NUP205: variants seen among roughly 807,000 people sequenced by gnomAD.
The protein encoded by NUP205 is nuclear pore complex protein Nup205.
Under a neutral mutation model 253.8 loss-of-function variants are expected in NUP205, and 76 were observed. The ratio of observed to expected loss-of-function variants is 0.30; its 90% CI spans 0.25 to 0.36. The LOEUF is 0.36. NUP205 is among the 10% of genes least tolerant of loss of function. The probability of loss-of-function intolerance (pLI) is 1.00; values close to 1 mark genes in which losing one functional copy is unlikely to be tolerated. For missense variants in NUP205, 2,162 were observed against 2,425.5 expected (o/e 0.89, Z 2.28); for synonymous variants, 832 against 850.1 (o/e 0.98, Z 0.37).
Position 135,597,369 on chromosome 7 carries a change from T to TA in NUP205, c.2016dup (p.Leu673ThrfsTer16). ...ACATCTACTTCTTACTATTTTAAGATACTGCAGACCGTGAGGATTCCAAGC... is the reference window on the plus strand; with the variant it reads ...ACATCTACTTCTTACTATTTTAAGATAACTGCAGACCGTGAGGATTCCAAGC... On this transcript the variant is annotated frameshift_variant and splice_region_variant, in exon 14 of 43. Coordinates refer to ENST00000285968, the MANE Select transcript of NUP205 (RefSeq NM_015135.3). LOFTEE classifies it high-confidence loss of function. 6.2e-7 allele frequency: 1 copy of TA among 1,608,968 alleles called. No individual in the cohort carries two copies. The highest frequency in any genetic ancestry group is 8.5e-7 in the Non-Finnish European group (1 of 1,175,446).
intron 1 of NUP205, among the ~76,000 whole-genome samples, chr7:135,568,926 T>G (rs1455818072): frequency 2.0e-5 from 3 of 152,256 alleles, no homozygotes; most frequent in African/African-American, 7.2e-5. Flanking sequence ...TTTGAAATTA[T>G]TTTATTGTTT....
At chr7:135,587,548 T>G (rs1296295069) in intron 8 of NUP205, 27 bp from the exon 9 acceptor site, 4 of 1,388,614 alleles carry the variant, frequency 2.9e-6, no homozygotes, top group Non-Finnish European at 4.0e-6. Flanking sequence ...ATTTACATAT[T>G]AAAACTATAT....
intron 1 of NUP205, among the ~76,000 whole-genome samples, chr7:135,562,507 T>G (rs1805613750): frequency 6.6e-6 from 1 of 151,332 alleles, no homozygotes; most frequent in Non-Finnish European, 1.5e-5. Context: ...GTTTTAAATC[T>G]TCATTTGGCT....
At chr7:135,620,268 T>C (rs1396141388) in intron 30 of NUP205, among the ~76,000 whole-genome samples, 1 of 152,200 alleles carries the variant, frequency 6.6e-6, no homozygotes, top group East Asian at 1.9e-4. Context: ...GCATGGTGGC[T>C]CACGCCTGTA....
In NUP205 at chr7:135,628,123, C is replaced by G; in HGVS notation, c.4932+12C>G. On this transcript the variant is annotated intron_variant, in intron 34 of 42. Coordinates refer to ENST00000285968, the MANE Select transcript of NUP205 (RefSeq NM_015135.3). ...AGGCAGCAGGGCAGGTAAGGTGAAC[C>G]CTTTGTTTAGATATTGTCTAGAGCA... 1 of 1,603,658 alleles carries G rather than the reference C, an allele frequency of 6.2e-7. No homozygotes were observed. The highest frequency in any genetic ancestry group is 2.2e-5 in the East Asian group (1 of 44,632).
intron 1 of NUP205, among the ~76,000 whole-genome samples, chr7:135,569,435 A>T (rs1805881925): frequency 6.6e-6 from 1 of 152,140 alleles, no homozygotes; most frequent in Non-Finnish European, 1.5e-5. Context: ...AGTATTATGT[A>T]TTATAGTATA....
In NUP205 at chr7:135,565,766, C is replaced by T. The variant is rs80280005; in HGVS notation, c.29-5339C>T. ...GACACTGCCTGTTCTAGTCCATCAA[C>T]CACACTAGAACACCATTTTCCTACA... On this transcript the variant is annotated intron_variant, in intron 1 of 42. Transcript: ENST00000285968. Among the ~76,000 whole-genome samples the T allele has an allele frequency of 2.8e-3, 432 of 152,274 alleles. 9 individuals are homozygous for T. In the East Asian group the frequency reaches 0.051, roughly 18 times the overall value.
intron 14 of NUP205, 188 bp from the exon 15 acceptor site, chr7:135,597,810 G>A (rs1333235927): frequency 2.7e-5 from 15 of 548,178 alleles, no homozygotes; most frequent in Non-Finnish European, 4.5e-5. Context: ...GGAATTTGGA[G>A]TTCTTCCATC....
At position 135,625,196 on chromosome 7, in the gene NUP205, C is replaced by T. The variant is rs1471718372; in HGVS notation, c.4512C>T (p.Val1504=). 6.2e-7 allele frequency: 1 copy of T among 1,613,614 alleles called. No individual in the cohort carries two copies. The highest frequency in any genetic ancestry group is 8.5e-7 in the Non-Finnish European group (1 of 1,179,948). ...MLALALLDRI[V]SVDKQQQWLL... ...CCCTGGCTCTACTTGATAGAATTGT[C>T]TCCGTGGATAAACAGCAGCAGTGGC... The change falls in exon 32 of 43, where the codon GTC becomes GTT. Residue 1504 remains valine (V), a synonymous_variant. Coordinates refer to ENST00000285968, the MANE Select transcript of NUP205 (RefSeq NM_015135.3).
chr7:135,591,967 T>G (rs1366830538), intron 11 of NUP205, among the ~76,000 whole-genome samples: 1 of 152,254 alleles, frequency 6.6e-6, no homozygotes, highest in Non-Finnish European at 1.5e-5. Context: ...CTTAGAATTT[T>G]TCTCTTGACT....
At chr7:135,568,490 C>G (rs1805848204) in intron 1 of NUP205, among the ~76,000 whole-genome samples, 2 of 151,638 alleles carry the variant, frequency 1.3e-5, no homozygotes, top group Non-Finnish European at 2.9e-5. Context: ...CGCCACCACT[C>G]CTGGCTAATA....
chr7:135,630,534 T>A lies in NUP205; in HGVS notation c.5059+64T>A. The A allele has an allele frequency of 2.1e-6, 3 of 1,458,344 alleles. No individual in the cohort carries two copies. The South Asian group carries it at 3.9e-5, about 19-fold the overall frequency. 90.3% of individuals were successfully genotyped at this position (1,458,344 alleles called of 1,614,324 possible). ...TAAAGACTGACATAAATTAATAGAA[T>A]GAGTTTTTTTGTTACTTTGCAGCTA... On this transcript the variant is annotated intron_variant, in intron 35 of 42. Transcript: ENST00000285968.
chr7:135,576,610 C>G (rs981335940), intron 4 of NUP205, among the ~76,000 whole-genome samples, 196 bp downstream of exon 4: 1 of 152,162 alleles, frequency 6.6e-6, no homozygotes, highest in Non-Finnish European at 1.5e-5. Flanking sequence ...GACCGAGGTG[C>G]AGTGGCCCAA....
chr7:135,598,330 G>T (rs1337534543), intron 15 of NUP205, 123 bp downstream of exon 15: 1 of 890,886 alleles, frequency 1.1e-6, no homozygotes, highest in Non-Finnish European at 1.7e-6. Flanking sequence ...TCTTTGTTTT[G>T]AAATATCTAT....
intron 4 of NUP205, 112 bp from the exon 5 acceptor site, chr7:135,576,856 TG>T: frequency 1.0e-6 from 1 of 977,572 alleles, no homozygotes; most frequent in Non-Finnish European, 1.5e-6. Flanking sequence ...CACTCCAGCC[TG>T]GGTGACAGAG....
rs148872468 is a variant in NUP205 at position 135,589,196 on chromosome 7, G to C, written c.1473+1204G>C. Among the ~76,000 whole-genome samples, 37 of 149,876 alleles carry C rather than the reference G, an allele frequency of 2.5e-4. 1 individual carries two copies. Among genetic ancestry groups the C allele is most frequent in the Non-Finnish European group, 5.2e-4 (35 of 67,322 alleles). ...TTAAAAAAAAAAAAAGAGTTGGCAG[G>C]AGATTGCCATGTTCATTTTGGGGGA... On this transcript the variant is annotated intron_variant, in intron 10 of 42. Coordinates refer to ENST00000285968, the MANE Select transcript of NUP205 (RefSeq NM_015135.3).
In NUP205 at chr7:135,648,448, G is replaced by T; in HGVS notation, c.5931G>T (p.Lys1977Asn). Reference protein sequence around the residue: ...AINAFGESLQKKLLDIEGLYS... With the variant: ...AINAFGESLQNKLLDIEGLYS... ...ACGCTTTTGGAGAATCACTACAAAA[G>T]AAACTTCTGGACATTGAAGGATTAT... is the stretch of plus-strand genomic sequence containing the variant. Residue 1977 changes from lysine (K) to asparagine (N), a missense_variant, in exon 43 of 43, where the codon AAG becomes AAT. By Grantham distance (94) the Lys-to-Asn change is moderately conservative. Transcript: ENST00000285968. The T allele has an allele frequency of 1.2e-6, 2 of 1,604,308 alleles. No homozygotes were observed. The highest frequency in any genetic ancestry group is 1.7e-6 in the Non-Finnish European group (2 of 1,176,918).
At chr7:135,626,464 T>A (rs1451870200) in intron 33 of NUP205, 103 bp downstream of exon 33, 2 of 1,305,738 alleles carry the variant, frequency 1.5e-6, no homozygotes, top group Non-Finnish European at 2.1e-6. Context: ...TTCTCTTTCA[T>A]CTTGGTGTGG....
At chr7:135,594,816 A>G in intron 13 of NUP205, 87 bp downstream of exon 13, 1 of 1,010,460 alleles carries the variant, frequency 9.9e-7, no homozygotes, top group Non-Finnish European at 1.5e-6. Flanking sequence ...ATGCAATTGG[A>G]ACTTATAGTA....
Sources: allele counts gnomAD v4.1 joint callset (sites outside exome capture counted in the v4.1 genomes callset), GRCh38; gene constraint gnomAD v4.1.1; transcripts MANE v1.5; gene names NCBI Gene and HGNC (gene_info 2026-07-23, HGNC 2026-07-21).